The following CDC42BPA variants were observed in gnomAD, a reference collection of about 807,000 sequenced individuals.
CDC42BPA encodes the protein CDC42 binding protein kinase alpha, also known as serine/threonine-protein kinase MRCK alpha.
In CDC42BPA, 80 loss-of-function variants were observed where a neutral mutation model predicts 223.5. The observed-to-expected ratio is 0.36, with a 90% confidence interval of 0.30 to 0.43. The LOEUF (loss-of-function observed/expected upper bound fraction) is 0.43, where lower values mean the gene tolerates loss of function less well. Ranked by LOEUF, CDC42BPA falls within the 20% of genes least tolerant of loss-of-function variation. CDC42BPA has a pLI of 1.00. For missense variants in CDC42BPA, 1,743 were observed against 2,099.9 expected (o/e 0.83, Z 3.32); for synonymous variants, 694 against 718.6 (o/e 0.97, Z 0.55).
chr1:227,056,008 G>T (rs189019025), intron 21 of CDC42BPA, among the ~76,000 whole-genome samples: 5 of 152,118 alleles, frequency 3.3e-5, no homozygotes, highest in Non-Finnish European at 7.4e-5. Context: ...TCTACTAAAA[G>T]ATCCTCAAAT....
Position 227,134,606 on chromosome 1 carries a change from G to C in CDC42BPA, c.1390+4970C>G, listed in dbSNP as rs1029558018. The stretch of plus-strand genomic sequence containing the variant: ...AGGGGAGGTATTTTTGCCTTTATCT[G>C]CTTTTTATTACATTCCTGGTCATGG... On this transcript the variant is annotated intron_variant, in intron 10 of 36. Transcript: ENST00000366766. Among the ~76,000 whole-genome samples, 107 of 152,082 alleles carry C rather than the reference G, an allele frequency of 7.0e-4. 7 individuals carry two copies.
chr1:227,029,055 C>T lies in CDC42BPA; in HGVS notation c.4034G>A (p.Arg1345His), dbSNP rs200056759. ...ACACAGGCATGTGAGAGCTCCATGG[C>T]GCACCTTTCCAGAAGTTACGGTTTG... ...GCQTVTSGKV[R>H]HGALTCLCVA... is the part of the protein sequence containing the mutation. The change falls in exon 30 of 37, where the codon CGC becomes CAC. Residue 1345 changes from arginine (R) to histidine (H), a missense_variant. By Grantham distance (29) the Arg-to-His change is conservative. This residue lies in a region of CDC42BPA where 678 missense variants were observed against 777.5 expected (regional missense o/e 0.87). Transcript: ENST00000366766. The T allele has an allele frequency of 1.5e-4, 242 of 1,614,030 alleles. No individual in the cohort carries two copies. The highest frequency in any genetic ancestry group is 2.0e-4 in the Non-Finnish European group (231 of 1,180,016).
At chr1:227,092,197 G>C (rs1286863040) in intron 15 of CDC42BPA, among the ~76,000 whole-genome samples, 1 of 152,152 alleles carries the variant, frequency 6.6e-6, no homozygotes, top group East Asian at 1.9e-4. Flanking sequence ...ATACTGATTT[G>C]TTCATTCATT....
intron 2 of CDC42BPA, among the ~76,000 whole-genome samples, chr1:227,218,264 T>G (rs73094366): frequency 0.03 from 4,573 of 152,320 alleles, 203 homozygotes; most frequent in African/African-American, 0.1. Flanking sequence ...TCCAGCTCAC[T>G]CTGCTCTCTT....
At chr1:227,205,840 GGAGTTT>G (rs1458187640) in intron 3 of CDC42BPA, among the ~76,000 whole-genome samples, 1 of 152,116 alleles carries the variant, frequency 6.6e-6, no homozygotes, top group Non-Finnish European at 1.5e-5. Context: ...CTTGAGCCTA[GGAGTTT>G]GAGACTAGCC....
At chr1:227,275,792 A>G (rs996964348) in intron 1 of CDC42BPA, among the ~76,000 whole-genome samples, 1 of 152,142 alleles carries the variant, frequency 6.6e-6, no homozygotes, top group African/African-American at 2.4e-5. Flanking sequence ...TTGGTGGAGA[A>G]GGGGTTTCGC....
chr1:227,058,752 T>C (rs1389533042), intron 21 of CDC42BPA, among the ~76,000 whole-genome samples: 1 of 152,112 alleles, frequency 6.6e-6, no homozygotes, highest in Admixed American at 6.5e-5. Flanking sequence ...TAATAATACA[T>C]ATATAAATAA....
intron 16 of CDC42BPA, among the ~76,000 whole-genome samples, chr1:227,089,629 T>A (rs979008243): frequency 4.2e-4 from 20 of 47,332 alleles, no homozygotes; most frequent in African/African-American, 1.5e-3. Flanking sequence ...GTAATTCCGT[T>A]TTTTTTTTTT....
At chr1:227,205,870 G>T (rs914792776) in intron 3 of CDC42BPA, among the ~76,000 whole-genome samples, 1 of 152,084 alleles carries the variant, frequency 6.6e-6, no homozygotes, top group Non-Finnish European at 1.5e-5. Context: ...GCAATATAGT[G>T]AGACCCCATC....
chr1:227,162,319 A>G (rs1018300590), intron 5 of CDC42BPA, among the ~76,000 whole-genome samples: 21 of 152,252 alleles, frequency 1.4e-4, no homozygotes, highest in South Asian at 2.1e-4. Flanking sequence ...ACTGAAAAAC[A>G]TAAGTATTCT....
chr1:227,246,938 C>T (rs1476533330), intron 2 of CDC42BPA, among the ~76,000 whole-genome samples: 1 of 152,236 alleles, frequency 6.6e-6, no homozygotes, highest in Non-Finnish European at 1.5e-5. Flanking sequence ...CGGTGGCTCA[C>T]ACCTGTAATC....
At chr1:227,068,716 C>G in intron 21 of CDC42BPA, 1 of 1,096,370 alleles carries the variant, frequency 9.1e-7, no homozygotes, top group Non-Finnish European at 1.2e-6. Flanking sequence ...TTAACGAATA[C>G]AGCAATAAAA....
intron 7 of CDC42BPA, 120 bp downstream of exon 7, chr1:227,147,239 C>T: frequency 3.1e-6 from 2 of 642,738 alleles, no homozygotes; most frequent in East Asian, 5.6e-5. Flanking sequence ...TTGTCCTGTC[C>T]CATACTAGGA....
chr1:227,060,030 GT>G (rs66527313), intron 21 of CDC42BPA, among the ~76,000 whole-genome samples: 22 of 117,666 alleles, frequency 1.9e-4, no homozygotes, highest in South Asian at 5.8e-4. Flanking sequence ...GTTTTTTTTT[GT>G]TTTTTTTTTT....
At chr1:227,085,860 A>G (rs1681773318) in intron 16 of CDC42BPA, among the ~76,000 whole-genome samples, 1 of 152,210 alleles carries the variant, frequency 6.6e-6, no homozygotes, top group Non-Finnish European at 1.5e-5. Context: ...ATAACATAAA[A>G]TTCACCCATT....
chr1:227,193,593 C>G, intron 5 of CDC42BPA, 193 bp downstream of exon 5: 1 of 526,668 alleles, frequency 1.9e-6, no homozygotes, highest in South Asian at 3.0e-5. Flanking sequence ...TATAAGCAGG[C>G]ACATCGGTTC....
At chr1:227,176,109 T>C (rs900477260) in intron 5 of CDC42BPA, among the ~76,000 whole-genome samples, 2 of 152,090 alleles carry the variant, frequency 1.3e-5, no homozygotes, top group African/African-American at 2.4e-5. Flanking sequence ...TGTGATACCA[T>C]ACCGGGCTAA....
chr1:227,316,907 T>G, intron 1 of CDC42BPA, 98 bp downstream of exon 1: 1 of 846,530 alleles, frequency 1.2e-6, no homozygotes, highest in South Asian at 1.7e-5. Context: ...TTGTATTTTT[T>G]CTTTGAACGG....
intron 5 of CDC42BPA, among the ~76,000 whole-genome samples, chr1:227,184,806 T>A (rs571576781): frequency 1.3e-5 from 2 of 152,314 alleles, no homozygotes; most frequent in African/African-American, 4.8e-5. Context: ...TAGATCAATT[T>A]GGGAAGAACT....
Sources: gnomAD v4.1 joint callset for allele counts (sites outside exome capture counted in the v4.1 genomes callset) on GRCh38, gnomAD v4.1.1 for gene constraint, gnomAD v4.1.1 regional missense constraint, MANE v1.5 for transcripts, NCBI Gene and HGNC (gene_info 2026-07-23, HGNC 2026-07-21) for gene names.